Variants in NAPG observed in about 807,000 individuals in gnomAD.
NAPG encodes the protein NSF attachment protein gamma.
Under a neutral mutation model 48.4 loss-of-function variants are expected in NAPG, and 25 were observed. The observed-to-expected ratio is 0.52, with a 90% CI of 0.38 to 0.72. The LOEUF is 0.72. Ranked by LOEUF, NAPG falls within the 30% of genes least tolerant of loss-of-function variation. The pLI, the probability that NAPG is intolerant of heterozygous loss-of-function variation, is 0.00. For missense variants in NAPG, 359 were observed against 372.5 expected, an observed-to-expected ratio of 0.96 and a Z score of 0.30; for synonymous variants, 139 against 127.2, an observed-to-expected ratio of 1.09 and a Z score of -0.62.
rs950981785 is a variant in NAPG, at chr18:10,542,418, G to C, written c.506+2019G>C. Reference sequence around the variant, plus strand: ...GGGTATCTTGGTATGAAAAAATTAAGTCTACTGTCATGGTACTTCTATTGG... The same window carrying C: ...GGGTATCTTGGTATGAAAAAATTAACTCTACTGTCATGGTACTTCTATTGG... On this transcript the variant is annotated intron_variant, in intron 8 of 11. Coordinates refer to ENST00000322897, the MANE Select transcript of NAPG (RefSeq NM_003826.3). The surrounding 1 kb of genome is among the most constrained non-coding windows in gnomAD (Gnocchi z 4.5). Among the ~76,000 whole-genome samples, 1 of 152,122 alleles carries C rather than the reference G, an allele frequency of 6.6e-6. No individual in the cohort carries two copies. The highest frequency in any genetic ancestry group is 1.5e-5 in the Non-Finnish European group (1 of 68,004).
At chr18:10,549,779 T>C (rs2032347620) in intron 11 of NAPG, among the ~76,000 whole-genome samples, 1 of 152,186 alleles carries the variant, frequency 6.6e-6, no homozygotes, top group Non-Finnish European at 1.5e-5. Context: ...TTTATTATAA[T>C]GATATATGTA....
rs964067981 is a variant in NAPG at position 10,548,016 on chromosome 18, C to T, written c.586-283C>T. 3.3e-5 allele frequency among the ~76,000 whole-genome samples: 5 copies of T among 152,128 alleles called. No individual in the cohort carries two copies. On this transcript the variant is annotated intron_variant, in intron 9 of 11. Transcript: ENST00000322897. The surrounding 1 kb of genome is among the most constrained non-coding windows in gnomAD (Gnocchi z 4.4). ...GTGATCTAAGGCTTGTGTCAAAGTGCGGTCCCCAGACCAGCAGCAGGAGTG... is the reference window on the plus strand; with the variant it reads ...GTGATCTAAGGCTTGTGTCAAAGTGTGGTCCCCAGACCAGCAGCAGGAGTG...
In NAPG at chr18:10,544,299, T is replaced by C. The variant is rs958213995; in HGVS notation, c.507-2027T>C. 6.6e-6 allele frequency among the ~76,000 whole-genome samples: 1 copy of C among 152,194 alleles called. No homozygotes were observed. Among genetic ancestry groups the C allele is most frequent in the African/African-American group, 2.4e-5 (1 of 41,448 alleles). On this transcript the variant is annotated intron_variant, in intron 8 of 11. Transcript: ENST00000322897. The surrounding 1 kb of genome is among the most constrained non-coding windows in gnomAD (Gnocchi z 5.1). ...CATGAGGCCAGAAGTCTGGATACAG[T>C]GTAGCTAGGTCCTAGTGTAGCTAGG...
chr18:10,541,702 C>G (rs1333223929), intron 8 of NAPG, among the ~76,000 whole-genome samples: 1 of 152,144 alleles, frequency 6.6e-6, no homozygotes, highest in Non-Finnish European at 1.5e-5. Flanking sequence ...CTCCCAGTGC[C>G]TTTCTAGAGC....
chr18:10,545,139 C>T (rs1325504064), intron 8 of NAPG, among the ~76,000 whole-genome samples: 1 of 152,076 alleles, frequency 6.6e-6, no homozygotes, highest in East Asian at 1.9e-4. Flanking sequence ...TAGCGAAACC[C>T]CATCTCTATT....
At chr18:10,536,756 G>A (rs1330972360) in intron 5 of NAPG, among the ~76,000 whole-genome samples, 2 of 152,058 alleles carry the variant, frequency 1.3e-5, no homozygotes, top group Non-Finnish European at 2.9e-5. Context: ...AACTCATGAC[G>A]AATAGTTCCT....
In NAPG at chr18:10,542,352, G is replaced by A. The variant is rs900752484; in HGVS notation, c.506+1953G>A. On this transcript the variant is annotated intron_variant, in intron 8 of 11. Transcript: ENST00000322897. This position sits in a 1 kb window ranked among gnomAD's most constrained non-coding sequence, Gnocchi z 4.5. The stretch of plus-strand genomic sequence containing the variant: ...AATATAAAAATTAATTTAAATTTGT[G>A]CAGGAACATGAAGGAATTTGATCTT... 2.6e-5 allele frequency among the ~76,000 whole-genome samples: 4 copies of A among 151,836 alleles called. No individual in the cohort carries two copies. The highest frequency in any genetic ancestry group is 7.3e-5 in the African/African-American group (3 of 41,306).
intron 1 of NAPG, among the ~76,000 whole-genome samples, chr18:10,529,018 T>C (rs2031875726): frequency 6.6e-6 from 1 of 152,208 alleles, no homozygotes; most frequent in African/African-American, 2.4e-5. Context: ...ATTGATTCTT[T>C]GGAGAAAAAG....
intron 1 of NAPG, among the ~76,000 whole-genome samples, chr18:10,528,474 G>A (rs2031864900): frequency 6.6e-6 from 1 of 152,212 alleles, no homozygotes; most frequent in African/African-American, 2.4e-5. Flanking sequence ...ATATGCTCAG[G>A]ATGTGGGGAA....
At position 10,548,774 on chromosome 18, in the gene NAPG, G is replaced by A. The variant is rs558698177; in HGVS notation, c.666-193G>A. Reference sequence around the variant, plus strand: ...TTGGGCTGGATAATTCTTTGTGGTCGGGCCTGTCCTGTGCACTGTAGGCTG... The same window carrying A: ...TTGGGCTGGATAATTCTTTGTGGTCAGGCCTGTCCTGTGCACTGTAGGCTG... On this transcript the variant is annotated intron_variant, in intron 10 of 11. Coordinates refer to ENST00000322897, the MANE Select transcript of NAPG (RefSeq NM_003826.3). This position sits in a 1 kb window ranked among gnomAD's most constrained non-coding sequence, Gnocchi z 4.4. 8.6e-5 allele frequency among the ~76,000 whole-genome samples: 13 copies of A among 152,010 alleles called. No homozygotes were observed. Among genetic ancestry groups the A allele is most frequent in the Non-Finnish European group, 1.9e-4 (13 of 67,992 alleles).
At chr18:10,529,327 T>C (rs1037721085) in intron 1 of NAPG, among the ~76,000 whole-genome samples, 6 of 152,252 alleles carry the variant, frequency 3.9e-5, no homozygotes, top group Non-Finnish European at 7.3e-5. Flanking sequence ...AATTTAAGGA[T>C]ATTATTTTTC....
Position 10,548,427 on chromosome 18 carries a change from G to A in NAPG, c.665+49G>A, listed in dbSNP as rs1276172212. On this transcript the variant is annotated intron_variant, in intron 10 of 11. Transcript: ENST00000322897. The surrounding 1 kb of genome is among the most constrained non-coding windows in gnomAD (Gnocchi z 4.4). ...TGACTTGCAGTGGCGACACCTCTGT[G>A]TCTACAACTAAGATTGCTGCTAGGA... 4 of 1,417,694 alleles carry A rather than the reference G, an allele frequency of 2.8e-6. No homozygotes were observed. The highest frequency in any genetic ancestry group is 4.0e-6 in the Non-Finnish European group (4 of 1,003,322). The allele number at this position is 1,417,694 out of a possible 1,614,324, so 87.8% of individuals were successfully genotyped here. A position where few individuals can be genotyped will look rare whatever the true frequency, so the allele number is the denominator to read the frequency against.
At chr18:10,529,339 G>A (rs929550081) in intron 1 of NAPG, among the ~76,000 whole-genome samples, 7 of 152,192 alleles carry the variant, frequency 4.6e-5, no homozygotes, top group Non-Finnish European at 1.0e-4. Flanking sequence ...TTATTTTTCT[G>A]AACAGTGAAA....
chr18:10,548,895 G>T lies in NAPG; in HGVS notation c.666-72G>T, dbSNP rs1316527749. ...CTCCAGACAGTGTCACATGCCAGGGGCAGAATCATCCCTGCCTGAGATGTG... is the reference window on the plus strand; with the variant it reads ...CTCCAGACAGTGTCACATGCCAGGGTCAGAATCATCCCTGCCTGAGATGTG... On this transcript the variant is annotated intron_variant, in intron 10 of 11. Transcript: ENST00000322897. The surrounding 1 kb of genome is among the most constrained non-coding windows in gnomAD (Gnocchi z 4.4). The T allele has an allele frequency of 1.9e-6, 3 of 1,551,612 alleles. No individual in the cohort carries two copies. The highest frequency in any genetic ancestry group is 2.3e-5 in the East Asian group (1 of 43,874).
At chr18:10,528,759 TCTGGGGCAGGGAG>T (rs891618333) in intron 1 of NAPG, among the ~76,000 whole-genome samples, 1 of 152,034 alleles carries the variant, frequency 6.6e-6, no homozygotes, top group African/African-American at 2.4e-5. Context: ...GGTGGGTAGG[TCTGGGGCAGGGAG>T]GTGGGGCGGG....
chr18:10,547,174 T>G (rs1451426936), intron 9 of NAPG, among the ~76,000 whole-genome samples: 1 of 152,212 alleles, frequency 6.6e-6, no homozygotes, highest in Non-Finnish European at 1.5e-5. Context: ...TCTGAAGGGC[T>G]TATGCATGGA....
rs2032106367 is a variant in NAPG at position 10,539,655 on chromosome 18, T to C, written c.259-107T>C. 2 of 885,084 alleles carry C rather than the reference T, an allele frequency of 2.3e-6. No homozygotes were observed. Among genetic ancestry groups the C allele is most frequent in the Middle Eastern group, 3.0e-4 (1 of 3,296 alleles). The allele number at this position is 885,084 out of a possible 1,614,324, so 54.8% of individuals were successfully genotyped here. A position where few individuals can be genotyped will look rare whatever the true frequency, so the allele number is the denominator to read the frequency against. ...GTAACAAACCTGCACATTCTGCACA[T>C]GTGTCCCAGAACTTAAAATAAAAAA... On this transcript the variant is annotated intron_variant, in intron 5 of 11. Coordinates refer to ENST00000322897, the MANE Select transcript of NAPG (RefSeq NM_003826.3). The surrounding 1 kb of genome is among the most constrained non-coding windows in gnomAD (Gnocchi z 4.7).
rs182481926 is a variant in NAPG, at chr18:10,542,712, T to C, written c.506+2313T>C. 2.0e-3 allele frequency among the ~76,000 whole-genome samples: 308 copies of C among 152,352 alleles called. No homozygotes were observed. Among genetic ancestry groups the C allele is most frequent in the Non-Finnish European group, 3.2e-3 (221 of 68,022 alleles). On this transcript the variant is annotated intron_variant, in intron 8 of 11. Coordinates refer to ENST00000322897, the MANE Select transcript of NAPG (RefSeq NM_003826.3). The surrounding 1 kb of genome is among the most constrained non-coding windows in gnomAD (Gnocchi z 4.5). ...ATGTTTTTACATTAACATGAGTCCA[T>C]AAGATGTCCTAATTTAATACTTTCT... is the stretch of plus-strand genomic sequence containing the variant.
At chr18:10,526,239 C>CCGGGGGGGGGG in intron 1 of NAPG, 81 bp downstream of exon 1, 1 of 349,042 alleles carries the variant, frequency 2.9e-6, no homozygotes, top group Admixed American at 3.0e-5. Context: ...CCGGGGGGGG[C>CCGGGGGGGGGG]GGGAGGGAGG....
Sources: gnomAD v4.1 joint callset for allele counts (sites outside exome capture counted in the v4.1 genomes callset) on GRCh38, gnomAD v4.1.1 for gene constraint, Gnocchi (gnomAD v3.1) non-coding constraint, MANE v1.5 for transcripts, NCBI Gene and HGNC (gene_info 2026-07-23, HGNC 2026-07-21) for gene names.